SLC9B2: variants seen among roughly 807,000 people sequenced by gnomAD.
SLC9B2 encodes solute carrier family 9 member B2.
Under a neutral mutation model 52.2 loss-of-function variants are expected in SLC9B2, and 39 were observed. The ratio of observed to expected loss-of-function variants is 0.75; its 90% confidence interval spans 0.58 to 0.98. The LOEUF (loss-of-function observed/expected upper bound fraction) is 0.98, where lower values mean the gene tolerates loss of function less well. Among genes scored for constraint, SLC9B2 ranks in the 50% least tolerant of loss-of-function variants. The probability of loss-of-function intolerance (pLI) is 0.00; values close to 1 mark genes in which losing one functional copy is unlikely to be tolerated. For synonymous variants in SLC9B2, 214 were observed against 227.0 expected, an observed-to-expected ratio of 0.94 and a Z score of 0.51; for missense variants, 626 against 637.5, an observed-to-expected ratio of 0.98 and a Z score of 0.19.
intron 9 of SLC9B2, among the ~76,000 whole-genome samples, chr4:103,040,886 C>T (rs577469647): frequency 2.3e-4 from 35 of 152,196 alleles, no homozygotes; most frequent in Non-Finnish European, 3.2e-4. Flanking sequence ...TGCAAATTCT[C>T]AAGCCCCACC....
chr4:103,018,600 C>T (rs1578426350), downstream of SLC9B2, among the ~76,000 whole-genome samples: 1 of 152,246 alleles, frequency 6.6e-6, no homozygotes. Flanking sequence ...CTCAGTGCCA[C>T]CTGGGCCAGT....
chr4:103,027,276 G>A (rs1437937674), intron 11 of SLC9B2, among the ~76,000 whole-genome samples: 1 of 151,926 alleles, frequency 6.6e-6, no homozygotes, highest in Admixed American at 6.6e-5. Flanking sequence ...TAGGAATGTG[G>A]AACTAAAAAA....
downstream of SLC9B2, among the ~76,000 whole-genome samples, chr4:103,020,792 G>A (rs932275212): frequency 4.0e-5 from 6 of 151,428 alleles, no homozygotes; most frequent in African/African-American, 1.2e-4. Flanking sequence ...CACTACCCCC[G>A]GCTAATTTTT....
chr4:103,018,841 G>T (rs1181954247), downstream of SLC9B2, among the ~76,000 whole-genome samples: 1 of 152,168 alleles, frequency 6.6e-6, no homozygotes, highest in East Asian at 1.9e-4. Flanking sequence ...TTAGGAACAG[G>T]CCACACAGCA....
At chr4:103,063,560 G>A (rs1225901510) in intron 3 of SLC9B2, among the ~76,000 whole-genome samples, 1 of 151,886 alleles carries the variant, frequency 6.6e-6, no homozygotes, top group Non-Finnish European at 1.5e-5. Flanking sequence ...TCTTTAAAAG[G>A]CAAATTTAGT....
In SLC9B2 at chr4:103,048,965, A is replaced by G; in HGVS notation, c.641T>C (p.Val214Ala). The G allele has an allele frequency of 1.2e-6, 2 of 1,614,038 alleles. No individual in the cohort carries two copies. Among genetic ancestry groups the G allele is most frequent in the Non-Finnish European group, 1.7e-6 (2 of 1,179,924 alleles). ...CVRLSMGPCI[V>A]EACTSALLAH... The stretch of plus-strand genomic sequence containing the variant: ...AAGAAGAGCAGATGTGCACGCCTCC[A>G]CAATACAGGGACCCATGGACAGTCT... Residue 214 changes from valine to alanine, a missense_variant, in exon 6 of 12, where the codon GTG becomes GCG. By Grantham distance (64) the Val-to-Ala change is moderately conservative (BLOSUM62 0). Coordinates refer to ENST00000394785, the MANE Select transcript of SLC9B2 (RefSeq NM_178833.7).
At chr4:103,028,288 C>A (rs1742401749) in intron 11 of SLC9B2, among the ~76,000 whole-genome samples, 1 of 152,096 alleles carries the variant, frequency 6.6e-6, no homozygotes. Flanking sequence ...TAAATCTTTT[C>A]TCCATTACAT....
chr4:103,059,474 G>A (rs1365386100), intron 3 of SLC9B2, among the ~76,000 whole-genome samples: 2 of 151,480 alleles, frequency 1.3e-5, no homozygotes, highest in African/African-American at 2.4e-5. Flanking sequence ...TCATCCACAT[G>A]TGTTTTATTA....
chr4:103,071,350 T>A (rs1272257333), intron 1 of SLC9B2, among the ~76,000 whole-genome samples: 1 of 151,030 alleles, frequency 6.6e-6, no homozygotes, highest in African/African-American at 2.4e-5. Context: ...ACTAGAGGCA[T>A]GCACCACCAC....
chr4:103,040,968 A>G (rs891177036), intron 9 of SLC9B2, among the ~76,000 whole-genome samples: 1 of 152,206 alleles, frequency 6.6e-6, no homozygotes, highest in African/African-American at 2.4e-5. Context: ...TAATTCTGCT[A>G]AAGTTTGAGA....
chr4:103,028,613 T>G, intron 11 of SLC9B2, 134 bp downstream of exon 11: 2 of 1,115,686 alleles, frequency 1.8e-6, no homozygotes, highest in Non-Finnish European at 2.5e-6. Flanking sequence ...AAAGAATAGA[T>G]TAGGATAAAC....
chr4:103,056,761 A>G (rs980745630), intron 4 of SLC9B2, among the ~76,000 whole-genome samples: 2 of 152,182 alleles, frequency 1.3e-5, no homozygotes, highest in African/African-American at 4.8e-5. Context: ...CTGTTTGTCA[A>G]ACTTCTGTGT....
intron 6 of SLC9B2, 144 bp from the exon 7 acceptor site, chr4:103,047,370 AAT>A (rs1744249364): frequency 2.7e-6 from 2 of 753,544 alleles, no homozygotes; most frequent in Non-Finnish European, 4.1e-6. Context: ...AACAAACTTT[AAT>A]AAGAATTGTT....
At chr4:103,035,988 A>T (rs986117809) in intron 9 of SLC9B2, among the ~76,000 whole-genome samples, 1 of 152,180 alleles carries the variant, frequency 6.6e-6, no homozygotes, top group Non-Finnish European at 1.5e-5. Flanking sequence ...TTGAATTCAA[A>T]CTATACTACA....
Position 103,028,768 on chromosome 4 carries a change from C to A in SLC9B2, c.1371G>T (p.Trp457Cys). The A allele has an allele frequency of 1.2e-6, 2 of 1,607,304 alleles. No individual in the cohort carries two copies. Residue 457 changes from tryptophan to cysteine, a missense_variant, in exon 11 of 12, where the codon TGG (tryptophan) becomes TGT (cysteine). Transcript: ENST00000394785. ...LKEKIFISFAWLPKATVQAAI... is the reference protein window; with the variant it reads ...LKEKIFISFACLPKATVQAAI... ...ATACCTGAACTGTGGCCTTTGGAAG[C>A]CATGCAAAAGAAATAAATATCTTTT...
chr4:103,023,536 C>A lies in SLC9B2; in HGVS notation c.*2834G>T, dbSNP rs1741955207. Among the ~76,000 whole-genome samples, 1 of 152,200 alleles carries A rather than the reference C, an allele frequency of 6.6e-6. No individual in the cohort carries two copies. Among genetic ancestry groups the A allele is most frequent in the Admixed American group, 6.5e-5 (1 of 15,282 alleles). ...GCCCTGCTGAATGGTCAGCCTCTGT[C>A]ATTCTTGACCTCACCATCTCCATGA... On this transcript the variant is annotated 3_prime_UTR_variant, in exon 12 of 12. Coordinates refer to ENST00000394785, the MANE Select transcript of SLC9B2 (RefSeq NM_178833.7).
chr4:103,047,271 T>C lies in SLC9B2; in HGVS notation c.714-45A>G, dbSNP rs763274688. On this transcript the variant is annotated intron_variant, in intron 6 of 11. Transcript: ENST00000394785. ...AACATTTATGATAACATCTTACTTA[T>C]TACTATTTTGAAATTATAATGCCCT... The C allele has an allele frequency of 1.3e-5, 20 of 1,504,896 alleles. 1 individual carries two copies. In the South Asian group the frequency reaches 1.8e-4, roughly 14 times the overall value. 93.2% of individuals were successfully genotyped at this position (1,504,896 alleles called of 1,614,324 possible). A position where few individuals can be genotyped will look rare whatever the true frequency, so the allele number is the denominator to read the frequency against.
At chr4:103,054,547 G>C (rs1174921759) in intron 4 of SLC9B2, among the ~76,000 whole-genome samples, 3 of 152,158 alleles carry the variant, frequency 2.0e-5, no homozygotes, top group Admixed American at 1.3e-4. Flanking sequence ...GGGCTATAAA[G>C]TCTCTGTTAC....
At position 103,076,146 on chromosome 4, in the gene SLC9B2, G is replaced by C. The variant is rs529479288; in HGVS notation, c.-43+38C>G. Reference sequence around the variant, plus strand: ...TACAGGGTACCCGCCGCTGGCGCTGGGTTTATTTTTACCCTTAGTGTCTCT... The same window carrying C: ...TACAGGGTACCCGCCGCTGGCGCTGCGTTTATTTTTACCCTTAGTGTCTCT... On this transcript the variant is annotated intron_variant, in intron 1 of 11. Coordinates refer to ENST00000394785, the MANE Select transcript of SLC9B2 (RefSeq NM_178833.7). The C allele has an allele frequency of 2.6e-5, 4 of 152,412 alleles. No homozygotes were observed. In the East Asian group the frequency reaches 7.7e-4, roughly 29 times the overall value. The allele number at this position is 152,412 out of a possible 1,614,324, so 9.4% of individuals were successfully genotyped here. A position where few individuals can be genotyped will look rare whatever the true frequency, so the allele number is the denominator to read the frequency against.
Sources: allele counts gnomAD v4.1 joint callset (sites outside exome capture counted in the v4.1 genomes callset), GRCh38; gene constraint gnomAD v4.1.1; transcripts MANE v1.5; gene names NCBI Gene and HGNC (gene_info 2026-07-23, HGNC 2026-07-21).